The following JADE2 variants were observed in gnomAD, a reference collection of about 807,000 sequenced individuals.
JADE2 encodes E3 ubiquitin-protein ligase Jade-2.
A neutral mutation model predicts 85.7 loss-of-function variants in JADE2; 13 were observed. The observed-to-expected ratio is 0.15, with a 90% CI of 0.10 to 0.24. JADE2 has a LOEUF of 0.24. Among genes scored for constraint, JADE2 ranks in the 10% least tolerant of loss-of-function variants. JADE2 has a pLI of 1.00. For missense variants in JADE2, 846 were observed against 1,115.9 expected, an observed-to-expected ratio of 0.76 and a Z score of 3.45; for synonymous variants, 440 against 456.1, an observed-to-expected ratio of 0.96 and a Z score of 0.45.
chr5:134,568,112 C>G (rs1390797003), intron 9 of JADE2, among the ~76,000 whole-genome samples: 1 of 152,216 alleles, frequency 6.6e-6, no homozygotes, highest in African/African-American at 2.4e-5. Flanking sequence ...CTGTTCTGTG[C>G]TGGTCAGCCC....
At chr5:134,535,817 C>T (rs747987189) in intron 1 of JADE2, 41 bp from the exon 2 acceptor site, 1 of 1,588,412 alleles carries the variant, frequency 6.3e-7, no homozygotes, top group Admixed American at 1.7e-5. Flanking sequence ...GAGGATTTCC[C>T]AAGCCATCCG....
chr5:134,579,106 C>T lies in JADE2; in HGVS notation c.2294C>T (p.Pro765Leu), dbSNP rs374423328. The stretch of plus-strand genomic sequence containing the variant: ...GAGAGCAAGGTAACCCGGAGATTGC[C>T]GGGTGCCAGGCCTGATGCTGGGATG... ...PRESKVTRRLPGARPDAGMGP... is the reference protein window; with the variant it reads ...PRESKVTRRLLGARPDAGMGP... Residue 765 changes from proline (P) to leucine (L), a missense_variant, in exon 12 of 12, where the codon CCG becomes CTG. Pro to Leu is a moderately conservative substitution (Grantham distance 98, BLOSUM62 -3). Around this residue, in one of 9 missense-constraint regions of JADE2, gnomAD observed 300 missense variants for 300.7 expected, o/e 1.00. Coordinates refer to ENST00000681547, the MANE Select transcript of JADE2 (RefSeq NM_001388185.1). This position sits in a 1 kb window ranked among gnomAD's most constrained non-coding sequence, Gnocchi z 4.6. The T allele has an allele frequency of 2.1e-5, 34 of 1,614,002 alleles. No homozygotes were observed. The highest frequency in any genetic ancestry group is 9.9e-5 in the South Asian group (9 of 91,090).
In JADE2 at chr5:134,525,953, G is replaced by C; in HGVS notation, c.-59G>C. 1 of 986,024 alleles carries C rather than the reference G, an allele frequency of 1.0e-6. No homozygotes were observed. The highest frequency in any genetic ancestry group is 1.2e-6 in the Non-Finnish European group (1 of 830,546). 61.1% of individuals were successfully genotyped at this position (986,024 alleles called of 1,614,324 possible). A position where few individuals can be genotyped will look rare whatever the true frequency, so the allele number is the denominator to read the frequency against. On this transcript the variant is annotated 5_prime_UTR_variant, in exon 1 of 12. Transcript: ENST00000681547. ...CTTCGGGAGCATCCTTCCCGCGCCGGTCCCTGCAGCGGCGCGTAGCCGAGG... is the reference window on the plus strand; with the variant it reads ...CTTCGGGAGCATCCTTCCCGCGCCGCTCCCTGCAGCGGCGCGTAGCCGAGG...
chr5:134,529,079 G>A (rs913547657), intron 1 of JADE2, among the ~76,000 whole-genome samples: 1 of 152,186 alleles, frequency 6.6e-6, no homozygotes, highest in African/African-American at 2.4e-5. Context: ...GGGTGTTCTG[G>A]CTCTAACCTA....
At chr5:134,571,418 G>A (rs904902369) in intron 9 of JADE2, among the ~76,000 whole-genome samples, 1 of 152,242 alleles carries the variant, frequency 6.6e-6, no homozygotes, top group African/African-American at 2.4e-5. Flanking sequence ...CCAGCCCTGG[G>A]CCGGGCGCGG....
intron 9 of JADE2, among the ~76,000 whole-genome samples, chr5:134,572,870 A>G (rs1055389320): frequency 2.0e-5 from 3 of 152,242 alleles, no homozygotes; most frequent in Admixed American, 6.5e-5. Flanking sequence ...TAAGGCCCCA[A>G]GGGGCTCTTC....
At chr5:134,558,983 C>T (rs531535609) in intron 4 of JADE2, among the ~76,000 whole-genome samples, 2 of 152,208 alleles carry the variant, frequency 1.3e-5, no homozygotes, top group Non-Finnish European at 2.9e-5. Flanking sequence ...GCTGCCTCAG[C>T]GGCAGAGCTG....
rs562400178 is a variant in JADE2 at position 134,553,698 on chromosome 5, A to AG, written c.311+1494dup. On this transcript the variant is annotated intron_variant, in intron 4 of 11. Transcript: ENST00000681547. ...TTGAACCTTTTACGGGAGTTCTTAG[A>AG]GGGGGAGTCAAGTGCCTGGCATACA... Among the ~76,000 whole-genome samples the AG allele has an allele frequency of 3.2e-3, 491 of 152,280 alleles. 3 individuals are homozygous for AG. The highest frequency in any genetic ancestry group is 0.011 in the African/African-American group (476 of 41,558).
intron 10 of JADE2, among the ~76,000 whole-genome samples, chr5:134,575,941 C>T (rs1764338942): frequency 1.3e-5 from 2 of 152,168 alleles, no homozygotes; most frequent in African/African-American, 4.8e-5. Flanking sequence ...TGGCTCGCAC[C>T]TGTAATCCCA....
intron 1 of JADE2, among the ~76,000 whole-genome samples, chr5:134,533,223 T>A (rs1021746288): frequency 6.6e-6 from 1 of 152,150 alleles, no homozygotes; most frequent in Non-Finnish European, 1.5e-5. Flanking sequence ...GCCATGGTAT[T>A]ACTATCTGGC....
intron 4 of JADE2, among the ~76,000 whole-genome samples, chr5:134,553,862 A>T (rs946020178): frequency 5.2e-4 from 79 of 152,296 alleles, no homozygotes; most frequent in African/African-American, 1.9e-3. Flanking sequence ...TCTTGTCAGG[A>T]GGAGGCCACA....
rs1034457599 is a variant in JADE2, at chr5:134,525,965, G to A, written c.-47G>A. 2.0e-6 allele frequency: 2 copies of A among 985,902 alleles called. No individual in the cohort carries two copies. The highest frequency in any genetic ancestry group is 2.4e-6 in the Non-Finnish European group (2 of 830,426). The allele number at this position is 985,902 out of a possible 1,614,324, so 61.1% of individuals were successfully genotyped here. On this transcript the variant is annotated 5_prime_UTR_variant, in exon 1 of 12. Transcript: ENST00000681547. ...CCTTCCCGCGCCGGTCCCTGCAGCG[G>A]CGCGTAGCCGAGGGCAGCGCCCGTC...
intron 1 of JADE2, among the ~76,000 whole-genome samples, chr5:134,529,172 G>A (rs764306489): frequency 7.2e-5 from 11 of 152,206 alleles, no homozygotes; most frequent in Non-Finnish European, 1.3e-4. Context: ...CATGGCACAT[G>A]CAGCAGGCTT....
intron 3 of JADE2, among the ~76,000 whole-genome samples, chr5:134,550,856 C>A (rs1209355791): frequency 6.6e-6 from 1 of 152,198 alleles, no homozygotes; most frequent in African/African-American, 2.4e-5. Flanking sequence ...AGGGTGTGAC[C>A]ACTCATGGCT....
intron 11 of JADE2, 80 bp downstream of exon 11, chr5:134,576,976 G>T: frequency 3.4e-6 from 5 of 1,458,194 alleles, no homozygotes; most frequent in African/African-American, 1.4e-5. Context: ...CCCTGCGGAA[G>T]GCCAGCTGCA....
intron 11 of JADE2, among the ~76,000 whole-genome samples, chr5:134,577,399 G>A (rs1466074535): frequency 6.6e-6 from 1 of 152,224 alleles, no homozygotes; most frequent in Admixed American, 6.5e-5. Context: ...AGGCAGAGCA[G>A]CCTAATGGGA....
rs556947943 is a variant in JADE2, at chr5:134,576,695, G to T, written c.1553-73G>T. The T allele has an allele frequency of 5.9e-5, 91 of 1,531,974 alleles. No individual in the cohort carries two copies. In the South Asian group the frequency reaches 7.7e-4, roughly 13 times the overall value. The allele number at this position is 1,531,974 out of a possible 1,614,324, so 94.9% of individuals were successfully genotyped here. A position where few individuals can be genotyped will look rare whatever the true frequency, so the allele number is the denominator to read the frequency against. ...TGATGGAGGACTCCTGGGCTGCCACGCAGGGATCTTGGTGCTGACCGAGGC... is the reference window on the plus strand; with the variant it reads ...TGATGGAGGACTCCTGGGCTGCCACTCAGGGATCTTGGTGCTGACCGAGGC... On this transcript the variant is annotated intron_variant, in intron 10 of 11. Coordinates refer to ENST00000681547, the MANE Select transcript of JADE2 (RefSeq NM_001388185.1).
intron 1 of JADE2, among the ~76,000 whole-genome samples, chr5:134,529,196 A>G (rs1428269580): frequency 2.0e-5 from 3 of 152,172 alleles, no homozygotes; most frequent in African/African-American, 4.8e-5. Flanking sequence ...GGGACCTCAC[A>G]GTTCTCCCTT....
intron 1 of JADE2, chr5:134,533,716 C>A: frequency 5.6e-6 from 1 of 179,632 alleles, no homozygotes; most frequent in Non-Finnish European, 1.0e-5. Context: ...TTCTGTCAGT[C>A]AGCCTTTGTC....
Sources: gnomAD v4.1 joint callset for allele counts (sites outside exome capture counted in the v4.1 genomes callset) on GRCh38, gnomAD v4.1.1 for gene constraint, gnomAD v4.1.1 regional missense constraint, Gnocchi (gnomAD v3.1) non-coding constraint, MANE v1.5 for transcripts, NCBI Gene and HGNC (gene_info 2026-07-23, HGNC 2026-07-21) for gene names.